CCDC34: variants seen among roughly 807,000 people sequenced by gnomAD.
CCDC34 encodes the protein coiled-coil domain-containing protein 34.
In CCDC34, 40 loss-of-function variants were observed where a neutral mutation model predicts 44.1. The observed-to-expected ratio is 0.91, with a 90% CI of 0.70 to 1.18. The LOEUF (loss-of-function observed/expected upper bound fraction) is 1.18. CCDC34 is among the 50% of genes most tolerant of loss of function. The probability of loss-of-function intolerance (pLI) is 0.00; values close to 1 mark genes in which losing one functional copy is unlikely to be tolerated. For synonymous variants in CCDC34, 159 were observed against 158.2 expected (o/e 1.01, Z -0.04); for missense variants, 466 against 452.3 (o/e 1.03, Z -0.28).
At chr11:27,354,359 C>T (rs946535982) in intron 2 of CCDC34, among the ~76,000 whole-genome samples, 1 of 152,160 alleles carries the variant, frequency 6.6e-6, no homozygotes, top group African/African-American at 2.4e-5. Flanking sequence ...CAAAACAAAT[C>T]TTCATAGCAG....
At chr11:27,354,135 GC>G (rs1862539715) in intron 2 of CCDC34, among the ~76,000 whole-genome samples, 2 of 152,168 alleles carry the variant, frequency 1.3e-5, no homozygotes, top group Admixed American at 1.3e-4. Flanking sequence ...TGAGTAGTTG[GC>G]CTATATGTTA....
At chr11:27,344,537 G>C (rs148127698) in intron 3 of CCDC34, among the ~76,000 whole-genome samples, 1 of 151,334 alleles carries the variant, frequency 6.6e-6, no homozygotes, top group African/African-American at 2.4e-5. Context: ...GTACATACGT[G>C]TAAATATATA....
chr11:27,344,734 ATT>A (rs1359098161), intron 3 of CCDC34, among the ~76,000 whole-genome samples: 1 of 152,064 alleles, frequency 6.6e-6, no homozygotes, highest in Non-Finnish European at 1.5e-5. Flanking sequence ...AAAATTTGAT[ATT>A]ATTAAGATAG....
At chr11:27,350,121 G>C in intron 3 of CCDC34, 3 of 1,414,598 alleles carry the variant, frequency 2.1e-6, no homozygotes, top group Non-Finnish European at 2.8e-6. Flanking sequence ...AAATATTAGT[G>C]CAAGCCACAG....
At chr11:27,344,664 T>C in intron 3 of CCDC34, among the ~76,000 whole-genome samples, 1 of 151,786 alleles carries the variant, frequency 6.6e-6, no homozygotes, top group Non-Finnish European at 1.5e-5. Context: ...TAAAAAACAC[T>C]GCTAAGAGAA....
Position 27,339,000 on chromosome 11 carries a change from A to C in CCDC34, c.943T>G (p.Phe315Val). 1 of 1,613,398 alleles carries C rather than the reference A, an allele frequency of 6.2e-7. No individual in the cohort carries two copies. The highest frequency in any genetic ancestry group is 1.1e-5 in the South Asian group (1 of 90,902). ...YSGNSYPEPA[F>V]YNPIPWKPIH... is the part of the protein sequence containing the mutation. ...GGTTTCCACGGAATTGGATTATAAA[A>C]GGCTGGTTCTGGATAGGAATTTCCA... Residue 315 changes from phenylalanine to valine, a missense_variant, in exon 6 of 6, where the codon TTT becomes GTT. Transcript: ENST00000328697.
chr11:27,347,882 C>CT (rs1407897400), intron 3 of CCDC34, among the ~76,000 whole-genome samples: 4 of 151,994 alleles, frequency 2.6e-5, no homozygotes, highest in African/African-American at 9.7e-5. Flanking sequence ...TGTATGCAAA[C>CT]TACAGCTCAA....
At position 27,362,849 on chromosome 11, in the gene CCDC34, G is replaced by T. The variant is rs75941771; in HGVS notation, c.346C>A (p.Gln116Lys). The T allele has an allele frequency of 1.0e-3, 1,658 of 1,613,928 alleles. 32 individuals are homozygous for T. In the East Asian group the frequency reaches 0.033, roughly 32 times the overall value. ...CCTCGGGTTTACCTGGCGCACCCCTGTAACTCCATTCCTCTCAGGCTCGCC... is the reference window on the plus strand; with the variant it reads ...CCTCGGGTTTACCTGGCGCACCCCTTTAACTCCATTCCTCTCAGGCTCGCC... ...KVASLRGMELQGCASTQVESE... is the reference protein window; with the variant it reads ...KVASLRGMELKGCASTQVESE... The change falls in exon 1 of 6, where the codon CAG becomes AAG. Residue 116 changes from glutamine to lysine, a missense_variant. By Grantham distance (53) the Gln-to-Lys change is moderately conservative. Transcript: ENST00000328697.
intron 3 of CCDC34, chr11:27,348,758 G>A: frequency 1.3e-6 from 1 of 741,666 alleles, no homozygotes; most frequent in Non-Finnish European, 1.6e-6. Context: ...ACAAATAGAG[G>A]TAAATGTAAC....
At chr11:27,346,531 G>A (rs1330662487) in intron 3 of CCDC34, among the ~76,000 whole-genome samples, 1 of 151,194 alleles carries the variant, frequency 6.6e-6, no homozygotes, top group Admixed American at 6.6e-5. Context: ...AAAGTTAAAT[G>A]GGAAGAAATA....
chr11:27,352,411 AG>A (rs1862515429), intron 2 of CCDC34, among the ~76,000 whole-genome samples: 1 of 151,750 alleles, frequency 6.6e-6, no homozygotes, highest in African/African-American at 2.4e-5. Context: ...GAAAAGGAAA[AG>A]AGGGTTTGGA....
chr11:27,362,719 C>G (rs1032335717), intron 1 of CCDC34, 117 bp downstream of exon 1: 2 of 1,220,096 alleles, frequency 1.6e-6, no homozygotes, highest in Admixed American at 2.3e-5. Context: ...GCACCTCAGT[C>G]TGCAAGTGCC....
intron 3 of CCDC34, among the ~76,000 whole-genome samples, chr11:27,347,460 CAA>C (rs1183020196): frequency 6.6e-6 from 1 of 152,116 alleles, no homozygotes; most frequent in African/African-American, 2.4e-5. Flanking sequence ...GAAAACAACT[CAA>C]TTGTCCATCA....
intron 2 of CCDC34, among the ~76,000 whole-genome samples, chr11:27,352,973 G>A (rs1187832941): frequency 6.6e-6 from 1 of 152,102 alleles, no homozygotes; most frequent in East Asian, 1.9e-4. Flanking sequence ...TACCACAAAG[G>A]CCAGTCTCCT....
At chr11:27,353,258 C>T (rs977554822) in intron 2 of CCDC34, among the ~76,000 whole-genome samples, 6 of 151,218 alleles carry the variant, frequency 4.0e-5, no homozygotes, top group South Asian at 2.1e-4. Flanking sequence ...CTGCCCTATT[C>T]GTTCGTTAAG....
At position 27,341,387 on chromosome 11, in the gene CCDC34, A is replaced by G; in HGVS notation, c.765+5T>C. ...TATTCTAACTGGTCACTTTAATAAA[A>G]ATACCTTTTCTTTCTTCTTCCTCTC... is the stretch of plus-strand genomic sequence containing the variant. On this transcript the variant is annotated splice_donor_5th_base_variant and intron_variant, in intron 4 of 5. Coordinates refer to ENST00000328697, the MANE Select transcript of CCDC34 (RefSeq NM_030771.2). 1 of 1,441,864 alleles carries G rather than the reference A, an allele frequency of 6.9e-7. No homozygotes were observed. Among genetic ancestry groups the G allele is most frequent in the Non-Finnish European group, 9.4e-7 (1 of 1,062,420 alleles). 89.3% of individuals were successfully genotyped at this position (1,441,864 alleles called of 1,614,324 possible).
At chr11:27,352,493 G>C (rs527784062) in intron 2 of CCDC34, among the ~76,000 whole-genome samples, 2 of 152,090 alleles carry the variant, frequency 1.3e-5, no homozygotes, top group South Asian at 4.2e-4. Context: ...GTGTATATAT[G>C]TATGTTTATA....
Position 27,362,955 on chromosome 11 carries a change from G to A in CCDC34, c.240C>T (p.Asp80=), listed in dbSNP as rs199805812. The change falls in exon 1 of 6, where the codon GAC becomes GAT. Residue 80 remains aspartate (D), a synonymous_variant. Coordinates refer to ENST00000328697, the MANE Select transcript of CCDC34 (RefSeq NM_030771.2). ...LGHQSFQFDE[D]DGDGEDEEDV... is the part of the protein sequence containing the mutation. ...CTTCCTCATCCTCCCCGTCACCGTC[G>A]TCCTCGTCAAACTGGAAGCTCTGGT... The A allele has an allele frequency of 1.2e-6, 2 of 1,613,996 alleles. No individual in the cohort carries two copies. The highest frequency in any genetic ancestry group is 1.3e-5 in the African/African-American group (1 of 74,962).
chr11:27,342,342 AATATATGTAT>A (rs1270675500), intron 3 of CCDC34, among the ~76,000 whole-genome samples: 8 of 132,218 alleles, frequency 6.1e-5, no homozygotes, highest in African/African-American at 2.1e-4. Context: ...TTTATATATA[AATATATGTAT>A]ATATATGTAT....
Sources: allele counts gnomAD v4.1 joint callset (sites outside exome capture counted in the v4.1 genomes callset), GRCh38; gene constraint gnomAD v4.1.1; transcripts MANE v1.5; gene names NCBI Gene and HGNC (gene_info 2026-07-23, HGNC 2026-07-21).